PBX1: variants seen among roughly 807,000 people sequenced by gnomAD.
PBX1 encodes pre-B-cell leukemia transcription factor 1.
A neutral mutation model predicts 53.4 loss-of-function variants in PBX1; 6 were observed. The ratio of observed to expected loss-of-function variants is 0.11; its 90% CI spans 0.06 to 0.22. The LOEUF (loss-of-function observed/expected upper bound fraction) is 0.22. Among genes scored for constraint, PBX1 ranks in the 10% least tolerant of loss-of-function variants. The pLI, the probability that PBX1 is intolerant of heterozygous loss-of-function variation, is 1.00. For missense variants in PBX1, 251 were observed against 551.4 expected, an observed-to-expected ratio of 0.46 and a Z score of 5.46; for synonymous variants, 204 against 212.3, an observed-to-expected ratio of 0.96 and a Z score of 0.34.
chr1:164,662,940 T>G (rs1349709764), intron 2 of PBX1, among the ~76,000 whole-genome samples: 1 of 152,186 alleles, frequency 6.6e-6, no homozygotes, highest in Non-Finnish European at 1.5e-5. Flanking sequence ...TTTATTATTG[T>G]GAGGGTTATT....
At chr1:164,695,011 C>G (rs1297105633) in intron 2 of PBX1, among the ~76,000 whole-genome samples, 1 of 152,130 alleles carries the variant, frequency 6.6e-6, no homozygotes, top group African/African-American at 2.4e-5. Context: ...ATTCAAAATT[C>G]TTTGATGGAG....
intron 2 of PBX1, among the ~76,000 whole-genome samples, chr1:164,582,768 C>A (rs1654705453): frequency 6.6e-6 from 1 of 152,094 alleles, no homozygotes; most frequent in Admixed American, 6.6e-5. Flanking sequence ...ATAGGCATTG[C>A]CCTCAACGAC....
Position 164,847,934 on chromosome 1 carries a change from T to C in PBX1, c.*1258T>C, listed in dbSNP as rs1350505328. ...GGAGCACTCAGGGAGCCCCATACAG[T>C]ACTTACAATGTCTTTAATGGACTTG... On this transcript the variant is annotated 3_prime_UTR_variant, in exon 9 of 9. Transcript: ENST00000420696. 9.5e-7 allele frequency: 1 copy of C among 1,053,506 alleles called. No individual in the cohort carries two copies. The highest frequency in any genetic ancestry group is 5.4e-5 in the East Asian group (1 of 18,680). 65.3% of individuals were successfully genotyped at this position (1,053,506 alleles called of 1,614,324 possible). A position where few individuals can be genotyped will look rare whatever the true frequency, so the allele number is the denominator to read the frequency against.
rs371572976 is a variant in PBX1 at position 164,567,868 on chromosome 1, T to C, written c.265+4557T>C. 6.6e-5 allele frequency among the ~76,000 whole-genome samples: 10 copies of C among 152,264 alleles called. No homozygotes were observed. The East Asian group carries it at 1.4e-3, about 21-fold the overall frequency. On this transcript the variant is annotated intron_variant, in intron 2 of 8. Transcript: ENST00000420696. ...GACATGAGAGCGATTTAGGTTATAC[T>C]GAAGGATCTGGAAGGGGATTTATAA...
chr1:164,766,734 A>G (rs867909808), intron 2 of PBX1, among the ~76,000 whole-genome samples: 1 of 110,376 alleles, frequency 9.1e-6, no homozygotes, highest in Non-Finnish European at 2.1e-5. Flanking sequence ...TTATTTATTT[A>G]TTTATTTTTT....
chr1:164,698,841 A>G (rs1157338350), intron 2 of PBX1, among the ~76,000 whole-genome samples: 1 of 152,186 alleles, frequency 6.6e-6, no homozygotes, highest in African/African-American at 2.4e-5. Flanking sequence ...GGTAATCCTC[A>G]CAACCACACT....
downstream of PBX1, among the ~76,000 whole-genome samples, chr1:164,855,096 G>A (rs911047015): frequency 6.6e-6 from 1 of 151,900 alleles, no homozygotes; most frequent in Non-Finnish European, 1.5e-5. Flanking sequence ...CTTCAGGCAT[G>A]CACCATACCC....
intron 2 of PBX1, among the ~76,000 whole-genome samples, chr1:164,673,334 GC>G (rs1557932621): frequency 6.6e-6 from 1 of 152,014 alleles, no homozygotes; most frequent in Non-Finnish European, 1.5e-5. Flanking sequence ...GGCTGGGAGC[GC>G]CCAGAACCTG....
chr1:164,692,973 C>T, intron 2 of PBX1, among the ~76,000 whole-genome samples: 1 of 152,188 alleles, frequency 6.6e-6, no homozygotes, highest in Admixed American at 6.5e-5. Context: ...CAGCATATGG[C>T]TTCTGTGAAC....
intron 2 of PBX1, among the ~76,000 whole-genome samples, chr1:164,687,357 T>A (rs1379754393): frequency 6.6e-6 from 1 of 150,998 alleles, no homozygotes; most frequent in Non-Finnish European, 1.5e-5. Context: ...AGTCTAGGAG[T>A]TCAAGACCGG....
At chr1:164,593,066 T>G (rs2101776709) in intron 2 of PBX1, among the ~76,000 whole-genome samples, 1 of 152,154 alleles carries the variant, frequency 6.6e-6, no homozygotes, top group South Asian at 2.1e-4. Context: ...CAAGGGATTC[T>G]CATGCCTCAG....
chr1:164,616,342 C>T (rs1657278454), intron 2 of PBX1, among the ~76,000 whole-genome samples: 1 of 152,154 alleles, frequency 6.6e-6, no homozygotes, highest in Non-Finnish European at 1.5e-5. Flanking sequence ...GTCCTCCTTA[C>T]TCCTGCTCCT....
chr1:164,644,150 AGGCT>A (rs1166144741), intron 2 of PBX1, among the ~76,000 whole-genome samples: 2 of 152,180 alleles, frequency 1.3e-5, no homozygotes, highest in East Asian at 3.9e-4. Context: ...GGGTTAAAAA[AGGCT>A]GGCCAGCTGC....
At chr1:164,859,635 C>T (rs764330113) in intron 2 of PBX1, among the ~76,000 whole-genome samples, 7 of 152,298 alleles carry the variant, frequency 4.6e-5, no homozygotes, top group Non-Finnish European at 1.0e-4. Context: ...CTCTTGGCCC[C>T]TCTTGCTGGG....
At position 164,847,884 on chromosome 1, in the gene PBX1, A is replaced by G; in HGVS notation, c.*1208A>G. On this transcript the variant is annotated 3_prime_UTR_variant, in exon 9 of 9. Transcript: ENST00000420696. ...TGAGGAAGACCAGGTTTCCAGTGTAAACTACTCTTGTTCCCACCACCTCTG... is the reference window on the plus strand; with the variant it reads ...TGAGGAAGACCAGGTTTCCAGTGTAGACTACTCTTGTTCCCACCACCTCTG... 9.5e-7 allele frequency: 1 copy of G among 1,055,226 alleles called. No individual in the cohort carries two copies. The highest frequency in any genetic ancestry group is 5.3e-5 in the East Asian group (1 of 18,922). The allele number at this position is 1,055,226 out of a possible 1,614,324, so 65.4% of individuals were successfully genotyped here. A position where few individuals can be genotyped will look rare whatever the true frequency, so the allele number is the denominator to read the frequency against.
At chr1:164,688,381 T>C (rs1433576470) in intron 2 of PBX1, among the ~76,000 whole-genome samples, 4 of 152,212 alleles carry the variant, frequency 2.6e-5, no homozygotes, top group Non-Finnish European at 5.9e-5. Flanking sequence ...GGTGCATTGC[T>C]GAAGAACTTT....
At chr1:164,640,813 C>T (rs1659095979) in intron 2 of PBX1, among the ~76,000 whole-genome samples, 1 of 152,092 alleles carries the variant, frequency 6.6e-6, no homozygotes, top group Admixed American at 6.5e-5. Context: ...CTGTCTTGGC[C>T]TCCCAAAGTG....
rs1217705306 is a variant in PBX1, at chr1:164,743,487, A to G, written c.266-49007A>G. On this transcript the variant is annotated intron_variant, in intron 2 of 8. Coordinates refer to ENST00000420696, the MANE Select transcript of PBX1 (RefSeq NM_002585.4). ...CCAGTGCTCACTTTTGCATGGCACT[A>G]TGCTGCACCCCTTAGAATTTATTAA... Among the ~76,000 whole-genome samples, 7 of 152,272 alleles carry G rather than the reference A, an allele frequency of 4.6e-5. No individual in the cohort carries two copies. The South Asian group carries it at 8.3e-4, about 18-fold the overall frequency.
intron 6 of PBX1, chr1:164,817,750 T>C (rs1571463967): frequency 6.6e-6 from 1 of 152,402 alleles, no homozygotes; most frequent in Non-Finnish European, 1.5e-5. Context: ...CATGGTTCCA[T>C]GGATGCCACG....
Sources: gnomAD v4.1 joint callset for allele counts (sites outside exome capture counted in the v4.1 genomes callset) on GRCh38, gnomAD v4.1.1 for gene constraint, MANE v1.5 for transcripts, NCBI Gene and HGNC (gene_info 2026-07-23, HGNC 2026-07-21) for gene names.